The following BCLAF3 variants were observed in gnomAD, a reference collection of about 807,000 sequenced individuals.
BCLAF3 encodes the protein BCLAF1 and THRAP3 family member 3, also known as transient octamer binding factor 1.
BCLAF3 carries 24 observed loss-of-function variants against 51.2 expected under a neutral mutation model. The observed-to-expected ratio is 0.47, with a 90% CI of 0.34 to 0.66. The LOEUF is 0.66. Ranked by LOEUF, BCLAF3 falls within the 30% of genes least tolerant of loss-of-function variation. The pLI, the probability that BCLAF3 is intolerant of heterozygous loss-of-function variation, is 0.01. For missense variants in BCLAF3, 465 were observed against 525.1 expected, an observed-to-expected ratio of 0.89 and a Z score of 1.12; for synonymous variants, 152 against 176.6, an observed-to-expected ratio of 0.86 and a Z score of 1.10.
In BCLAF3 at chrX:19,957,479, G is replaced by A. The variant is rs185004741; in HGVS notation, c.1275-1913C>T. ...CTATACAAATGGTCCATCCACAAGA[G>A]GAAATCAGTTGATAAGGTTTTTTTC... On this transcript the variant is annotated intron_variant, in intron 4 of 11. Transcript: ENST00000379682. Among the ~76,000 whole-genome samples, 12 of 111,939 alleles carry A rather than the reference G, an allele frequency of 1.1e-4. 1 individual carries two copies. The East Asian group carries it at 2.0e-3, about 18-fold the overall frequency.
intron 2 of BCLAF3, 61 bp downstream of exon 2, chrX:19,970,163 G>T: frequency 6.1e-6 from 6 of 986,908 alleles, no homozygotes; most frequent in Non-Finnish European, 8.7e-6. Flanking sequence ...TACTAGTACT[G>T]GTGAAATTGA....
At chrX:19,977,210 A>C (rs973663399) in intron 1 of BCLAF3, among the ~76,000 whole-genome samples, 1 of 111,895 alleles carries the variant, frequency 8.9e-6, no homozygotes, top group Non-Finnish European at 1.9e-5. Flanking sequence ...TGTTCAAGTG[A>C]AAGGAAGAGT....
At position 19,914,471 on chromosome X, in the gene BCLAF3, T is replaced by C. The variant is rs1450584380; in HGVS notation, c.*2834A>G. 9.2e-6 allele frequency: 1 copy of C among 108,374 alleles called. No individual in the cohort carries two copies. The highest frequency in any genetic ancestry group is 3.4e-5 in the African/African-American group (1 of 29,641). The allele number at this position is 108,374 out of a possible 1,213,427, so 8.9% of individuals were successfully genotyped here. On this transcript the variant is annotated 3_prime_UTR_variant, in exon 12 of 12. Coordinates refer to ENST00000379682, the MANE Select transcript of BCLAF3 (RefSeq NM_001367774.2). ...AGAGTTTCTCATCCAGCTTTACTTT[T>C]CTTGCTTCTGCCTGGAAGTATCCCC... is the stretch of plus-strand genomic sequence containing the variant.
chrX:19,973,467 C>T (rs997580506), intron 1 of BCLAF3, among the ~76,000 whole-genome samples: 4 of 111,534 alleles, frequency 3.6e-5, no homozygotes, highest in Non-Finnish European at 5.6e-5. Flanking sequence ...AAGATAGATA[C>T]ATCTAGTTGC....
chrX:19,940,765 T>G (rs1376968008), intron 8 of BCLAF3, among the ~76,000 whole-genome samples: 3 of 110,760 alleles, frequency 2.7e-5, no homozygotes, highest in African/African-American at 9.9e-5. Context: ...GCATGATTTA[T>G]AGTCCTTTGG....
intron 1 of BCLAF3, among the ~76,000 whole-genome samples, chrX:19,986,000 A>G: frequency 9.0e-6 from 1 of 111,526 alleles, no homozygotes; most frequent in South Asian, 3.8e-4. Flanking sequence ...GAATGAGGGG[A>G]AAAAAACAGA....
At chrX:19,931,118 G>A (rs2070536335) in intron 10 of BCLAF3, among the ~76,000 whole-genome samples, 1 of 112,349 alleles carries the variant, frequency 8.9e-6, no homozygotes, top group South Asian at 3.7e-4. Context: ...TGCATATACT[G>A]TCCAGCATTA....
In BCLAF3 at chrX:19,941,668, A is replaced by C. The variant is rs2071054566; in HGVS notation, c.1746-4136T>G. 2.7e-5 allele frequency among the ~76,000 whole-genome samples: 3 copies of C among 109,401 alleles called. No individual in the cohort carries two copies. The Admixed American group carries it at 2.9e-4, about 11-fold the overall frequency. On this transcript the variant is annotated intron_variant, in intron 8 of 11. Transcript: ENST00000379682. ...GTACCAGTACCATGCTGTTTTGGTT[A>C]CTGTAGCCTTGTAGTATAGTTTGAA...
At chrX:19,980,644 T>C (rs2072580360) in intron 1 of BCLAF3, among the ~76,000 whole-genome samples, 1 of 111,326 alleles carries the variant, frequency 9.0e-6, no homozygotes, top group Non-Finnish European at 1.9e-5. Context: ...TAGTGTAAAA[T>C]TGCTACACAT....
In BCLAF3 at chrX:19,945,523, A is replaced by G. The variant is rs761095929; in HGVS notation, c.1745+5230T>C. 2.4e-3 allele frequency among the ~76,000 whole-genome samples: 224 copies of G among 92,222 alleles called. 1 individual carries two copies. Among genetic ancestry groups the G allele is most frequent in the East Asian group, 0.014 (50 of 3,449 alleles). 80.1% of individuals were successfully genotyped at this position (92,222 alleles called of 115,157 possible). ...CACCCTCAGCTGCAGGTCTGTTGGA[A>G]TACCCTGCCGTGTGAGGTGTCAGTG... On this transcript the variant is annotated intron_variant, in intron 8 of 11. Transcript: ENST00000379682.
chrX:19,930,823 G>A (rs1249377408), intron 10 of BCLAF3, among the ~76,000 whole-genome samples: 2 of 111,937 alleles, frequency 1.8e-5, no homozygotes, highest in African/African-American at 6.5e-5. Flanking sequence ...CTGGGCAACA[G>A]AGTGAGACCC....
chrX:19,930,219 G>A, intron 10 of BCLAF3: 1 of 191,395 alleles, frequency 5.2e-6, no homozygotes, highest in Non-Finnish European at 9.6e-6. Flanking sequence ...GCTAAGGCAG[G>A]AGAATTGCTT....
At chrX:19,978,702 C>T (rs2072511357) in intron 1 of BCLAF3, among the ~76,000 whole-genome samples, 1 of 111,638 alleles carries the variant, frequency 9.0e-6, no homozygotes, top group Admixed American at 9.5e-5. Context: ...GATGGAAGTG[C>T]TACTGTGAGT....
intron 11 of BCLAF3, among the ~76,000 whole-genome samples, chrX:19,926,849 G>A (rs2070373338): frequency 8.9e-6 from 1 of 111,795 alleles, no homozygotes; most frequent in African/African-American, 3.2e-5. Flanking sequence ...AGGAAGAGAA[G>A]CAGCATCTCT....
chrX:19,952,532 T>C (rs2071523224), intron 7 of BCLAF3, among the ~76,000 whole-genome samples: 3 of 111,240 alleles, frequency 2.7e-5, no homozygotes, highest in Admixed American at 9.6e-5. Context: ...ATTTTGCTAG[T>C]TCATATTCCA....
Position 19,966,523 on chromosome X carries a change from A to G in BCLAF3, c.168T>C (p.His56=). The G allele has an allele frequency of 1.7e-6, 2 of 1,211,524 alleles. No homozygotes were observed. Among genetic ancestry groups the G allele is most frequent in the Non-Finnish European group, 2.2e-6 (2 of 895,376 alleles). ...AGGGAATCCTTGGTTTACTCTGTCC[A>G]TGTTTCTCACTGTCCATTCTCCACG... ...PVAWRMDSEK[H]GQSKPRIPSR... Residue 56 remains histidine, a synonymous_variant, in exon 3 of 12, where the codon CAT becomes CAC. Coordinates refer to ENST00000379682, the MANE Select transcript of BCLAF3 (RefSeq NM_001367774.2).
At chrX:19,933,445 C>T (rs2070638613) in intron 10 of BCLAF3, among the ~76,000 whole-genome samples, 1 of 111,896 alleles carries the variant, frequency 8.9e-6, no homozygotes, top group Admixed American at 9.5e-5. Flanking sequence ...TGTATTACAA[C>T]GGAATAGTTA....
At chrX:19,962,071 ACT>A (rs2071874896) in intron 4 of BCLAF3, among the ~76,000 whole-genome samples, 2 of 112,406 alleles carry the variant, frequency 1.8e-5, no homozygotes, top group African/African-American at 6.5e-5. Context: ...TTAAAATAAA[ACT>A]CTTCAAAACT....
At chrX:19,928,493 G>A (rs930312092) in intron 11 of BCLAF3, among the ~76,000 whole-genome samples, 3 of 110,516 alleles carry the variant, frequency 2.7e-5, no homozygotes, top group Non-Finnish European at 5.7e-5. Flanking sequence ...TGAGGCAGGA[G>A]AATCACTTGA....
Sources: gnomAD v4.1 joint callset for allele counts (sites outside exome capture counted in the v4.1 genomes callset) on GRCh38, gnomAD v4.1.1 for gene constraint, MANE v1.5 for transcripts, NCBI Gene and HGNC (gene_info 2026-07-23, HGNC 2026-07-21) for gene names.